The following EPDR1 variants were observed in gnomAD, a reference collection of about 807,000 sequenced individuals.
EPDR1 encodes the protein mammalian ependymin-related protein 1.
A neutral mutation model predicts 23.7 loss-of-function variants in EPDR1; 27 were observed. The observed-to-expected ratio is 1.14, with a 90% CI of 0.84 to 1.57. EPDR1 has a LOEUF of 1.57. Ranked by LOEUF, EPDR1 falls within the 40% of genes most tolerant of loss-of-function variation. EPDR1 has a pLI of 0.00. For missense variants in EPDR1, 349 were observed against 290.4 expected, an observed-to-expected ratio of 1.20 and a Z score of -1.47; for synonymous variants, 137 against 118.2, an observed-to-expected ratio of 1.16 and a Z score of -1.03.
intron 1 of EPDR1, among the ~76,000 whole-genome samples, chr7:37,931,555 C>T (rs759556540): frequency 4.6e-5 from 7 of 152,030 alleles, no homozygotes; most frequent in African/African-American, 1.4e-4. Flanking sequence ...AGAAGTCTGA[C>T]ACCAAACTAA....
Position 37,920,741 on chromosome 7 carries a change from G to A in EPDR1, c.-199G>A. Reference sequence around the variant, plus strand: ...GCGCGATTCACTGGAGCCTTCCCCGGGCCCTGGTCCCGGCTACCGGGACTC... The same window carrying A: ...GCGCGATTCACTGGAGCCTTCCCCGAGCCCTGGTCCCGGCTACCGGGACTC... On this transcript the variant is annotated 5_prime_UTR_variant, in exon 1 of 3. Transcript: ENST00000199448. 1.2e-6 allele frequency: 2 copies of A among 1,609,300 alleles called. No individual in the cohort carries two copies. Among genetic ancestry groups the A allele is most frequent in the Non-Finnish European group, 8.5e-7 (1 of 1,177,534 alleles).
intron 1 of EPDR1, among the ~76,000 whole-genome samples, chr7:37,947,500 A>G (rs1476737019): frequency 6.6e-6 from 1 of 152,176 alleles, no homozygotes; most frequent in East Asian, 1.9e-4. Context: ...TTTTCCGAAG[A>G]AAATAGTTTT....
At chr7:37,921,873 A>G (rs556431377) in intron 1 of EPDR1, among the ~76,000 whole-genome samples, 1 of 152,132 alleles carries the variant, frequency 6.6e-6, no homozygotes, top group South Asian at 2.1e-4. Context: ...ATATGTTCTT[A>G]TTTGCCATTT....
At position 37,921,081 on chromosome 7, in the gene EPDR1, T is replaced by C. The variant is rs1238359889; in HGVS notation, c.142T>C (p.Trp48Arg). The stretch of plus-strand genomic sequence containing the variant: ...GCGCCCGTGCCAGGCGCCGCAGCAG[T>C]GGGAGGGGCGCCAGGTTATGTACCA... The part of the protein sequence containing the change: ...APRPCQAPQQ[W>R]EGRQVMYQQS... Residue 48 changes from tryptophan (W) to arginine (R), a missense_variant, in exon 1 of 3, where the codon TGG becomes CGG. Coordinates refer to ENST00000199448, the MANE Select transcript of EPDR1 (RefSeq NM_017549.5). 5 of 1,577,736 alleles carry C rather than the reference T, an allele frequency of 3.2e-6. No individual in the cohort carries two copies. Among genetic ancestry groups the C allele is most frequent in the Middle Eastern group, 1.8e-4 (1 of 5,620 alleles).
chr7:37,933,416 A>T (rs1452824313), intron 1 of EPDR1, among the ~76,000 whole-genome samples: 1 of 152,220 alleles, frequency 6.6e-6, no homozygotes, highest in Non-Finnish European at 1.5e-5. Flanking sequence ...TGAGAGCGAG[A>T]AGGCACATGG....
At chr7:37,938,982 A>G (rs1245892113) in intron 1 of EPDR1, among the ~76,000 whole-genome samples, 3 of 144,538 alleles carry the variant, frequency 2.1e-5, no homozygotes, top group African/African-American at 7.7e-5. Context: ...GGCATGACCA[A>G]TTTTTTTTTT....
intron 1 of EPDR1, among the ~76,000 whole-genome samples, chr7:37,938,083 C>T (rs1014058657): frequency 3.4e-5 from 5 of 146,922 alleles, no homozygotes; most frequent in Non-Finnish European, 4.4e-5. Flanking sequence ...CTCTGCTTCC[C>T]GGGTTCATGC....
At chr7:37,948,709 GT>G in intron 1 of EPDR1, 130 bp from the exon 2 acceptor site, 1 of 686,034 alleles carries the variant, frequency 1.5e-6, no homozygotes, top group Non-Finnish European at 2.5e-6. Flanking sequence ...GTTTATAAAC[GT>G]TAAGTGATTG....
At chr7:37,939,379 GTTAT>G (rs1040574088) in intron 1 of EPDR1, among the ~76,000 whole-genome samples, 2 of 152,048 alleles carry the variant, frequency 1.3e-5, no homozygotes, top group Non-Finnish European at 2.9e-5. Flanking sequence ...TTTAAAATGA[GTTAT>G]TTATTTGTAA....
At chr7:37,937,623 A>T (rs535636576) in intron 1 of EPDR1, among the ~76,000 whole-genome samples, 1 of 152,300 alleles carries the variant, frequency 6.6e-6, no homozygotes, top group South Asian at 2.1e-4. Flanking sequence ...TTAAAATTAC[A>T]CTGCTCTTTG....
intron 1 of EPDR1, among the ~76,000 whole-genome samples, chr7:37,942,833 T>C (rs1786196477): frequency 6.6e-6 from 1 of 152,230 alleles, no homozygotes. Flanking sequence ...TTTTCGGTGT[T>C]TCAGAAAACA....
intron 1 of EPDR1, among the ~76,000 whole-genome samples, chr7:37,943,080 G>A (rs1476849258): frequency 6.6e-6 from 1 of 152,240 alleles, no homozygotes; most frequent in Admixed American, 6.5e-5. Flanking sequence ...CTCAGCAGCA[G>A]CAGGGCCTTT....
intron 1 of EPDR1, among the ~76,000 whole-genome samples, chr7:37,931,908 C>T (rs1427569756): frequency 6.6e-6 from 1 of 152,104 alleles, no homozygotes; most frequent in African/African-American, 2.4e-5. Flanking sequence ...AAGGGTTTCA[C>T]TGTGTTAGCC....
At chr7:37,947,745 T>C (rs1421888671) in intron 1 of EPDR1, among the ~76,000 whole-genome samples, 2 of 152,216 alleles carry the variant, frequency 1.3e-5, no homozygotes, top group East Asian at 1.9e-4. Context: ...GTGAAATGCA[T>C]AGAAACACAG....
Position 37,948,827 on chromosome 7 carries a change from A to T in EPDR1, c.270-13A>T, listed in dbSNP as rs976516993. On this transcript the variant is annotated splice_polypyrimidine_tract_variant and intron_variant, in intron 1 of 2. Transcript: ENST00000199448. ...ATGAAGTCCCAAACTACTTCTTTCC[A>T]TCTGTGTTTCAGATTATTTGAATAT... is the stretch of plus-strand genomic sequence containing the variant. 6.2e-7 allele frequency: 1 copy of T among 1,611,710 alleles called. No homozygotes were observed. Among genetic ancestry groups the T allele is most frequent in the African/African-American group, 1.3e-5 (1 of 74,888 alleles).
intron 1 of EPDR1, among the ~76,000 whole-genome samples, chr7:37,927,151 C>A (rs1428390476): frequency 6.6e-6 from 1 of 152,312 alleles, no homozygotes; most frequent in African/African-American, 2.4e-5. Flanking sequence ...AAGTTAGAAC[C>A]TGTGCTCTGG....
chr7:37,928,753 G>C (rs942349221), intron 1 of EPDR1, among the ~76,000 whole-genome samples: 1 of 152,008 alleles, frequency 6.6e-6, no homozygotes, highest in Non-Finnish European at 1.5e-5. Context: ...GCTAATAGTG[G>C]ACTCTCCCAG....
chr7:37,934,275 C>T (rs1165658092), intron 1 of EPDR1, among the ~76,000 whole-genome samples: 1 of 152,190 alleles, frequency 6.6e-6, no homozygotes, highest in African/African-American at 2.4e-5. Flanking sequence ...CACGCCCGAC[C>T]TACTCTGCCA....
chr7:37,945,858 C>T (rs1409514844), intron 1 of EPDR1, among the ~76,000 whole-genome samples: 2 of 152,188 alleles, frequency 1.3e-5, no homozygotes, highest in Non-Finnish European at 2.9e-5. Context: ...ATTAGCTATT[C>T]TTACTGATGC....
Sources: gnomAD v4.1 joint callset for allele counts (sites outside exome capture counted in the v4.1 genomes callset) on GRCh38, gnomAD v4.1.1 for gene constraint, MANE v1.5 for transcripts, NCBI Gene and HGNC (gene_info 2026-07-23, HGNC 2026-07-21) for gene names.